KIAA1217: variants seen among roughly 807,000 people sequenced by gnomAD.
The protein encoded by KIAA1217 is sickle tail protein homolog.
Under a neutral mutation model 163.9 loss-of-function variants are expected in KIAA1217, and 88 were observed. That is an observed-to-expected ratio of 0.54 (90% CI 0.45 to 0.64). The LOEUF (loss-of-function observed/expected upper bound fraction) is 0.64. Among genes scored for constraint, KIAA1217 ranks in the 30% least tolerant of loss-of-function variants. The pLI is 0.00. For synonymous variants in KIAA1217, 903 were observed against 923.1 expected, an observed-to-expected ratio of 0.98 and a Z score of 0.39; for missense variants, 2,372 against 2,475.0, an observed-to-expected ratio of 0.96 and a Z score of 0.88.
At chr10:24,488,439 G>A (rs2065682532) in intron 6 of KIAA1217, among the ~76,000 whole-genome samples, 1 of 152,184 alleles carries the variant, frequency 6.6e-6, no homozygotes, top group Non-Finnish European at 1.5e-5. Context: ...AACGTAGCCA[G>A]TCTTCTTGCT....
intron 2 of KIAA1217, among the ~76,000 whole-genome samples, chr10:24,225,827 G>C (rs1358083687): frequency 6.6e-6 from 1 of 152,194 alleles, no homozygotes; most frequent in Non-Finnish European, 1.5e-5. Flanking sequence ...TCTTCTGGAG[G>C]TAGAAACCTT....
At chr10:24,002,496 G>A (rs1846790072) in intron 1 of KIAA1217, among the ~76,000 whole-genome samples, 2 of 152,176 alleles carry the variant, frequency 1.3e-5, no homozygotes, top group Middle Eastern at 3.4e-3. Context: ...ATGCCCAGTG[G>A]GTCCACCAGA....
rs540632897 is a variant in KIAA1217, at chr10:24,498,499, T to C, written c.1835-2880T>C. ...GAGATTAAGAGGTTATAGATGAAGA[T>C]TTTTTTAAGTGAGTATAGATTCCAT... is the stretch of plus-strand genomic sequence containing the variant. On this transcript the variant is annotated intron_variant, in intron 8 of 20. Transcript: ENST00000376454. Among the ~76,000 whole-genome samples the C allele has an allele frequency of 9.1e-4, 139 of 152,200 alleles. 2 individuals are homozygous for C. The highest frequency in any genetic ancestry group is 3.0e-3 in the African/African-American group (125 of 41,482).
intron 2 of KIAA1217, among the ~76,000 whole-genome samples, chr10:24,062,789 C>T (rs909208243): frequency 1.1e-4 from 17 of 152,144 alleles, no homozygotes; most frequent in Non-Finnish European, 2.4e-4. Context: ...TCCACATCCT[C>T]TCCAGCACCT....
chr10:23,750,865 G>A (rs7097171), intron 1 of KIAA1217, among the ~76,000 whole-genome samples: 49,179 of 151,800 alleles, frequency 0.32, 10,008 homozygotes, highest in African/African-American at 0.58. Flanking sequence ...GAAAAATATA[G>A]ATTTTAGTGG....
chr10:24,103,623 T>C (rs1000358528), intron 2 of KIAA1217, among the ~76,000 whole-genome samples: 5 of 151,778 alleles, frequency 3.3e-5, no homozygotes, highest in African/African-American at 1.2e-4. Context: ...TATATACAGA[T>C]AGAAAAAAAG....
chr10:24,171,022 G>A (rs1230651840), intron 2 of KIAA1217, among the ~76,000 whole-genome samples: 1 of 152,202 alleles, frequency 6.6e-6, no homozygotes, highest in Non-Finnish European at 1.5e-5. Context: ...AATGGCATCA[G>A]CAAAACTAAG....
intron 2 of KIAA1217, among the ~76,000 whole-genome samples, chr10:24,071,657 G>A (rs2061190936): frequency 6.6e-6 from 1 of 152,160 alleles, no homozygotes; most frequent in South Asian, 2.1e-4. Flanking sequence ...GCCTAGTATG[G>A]ATTCACTCAG....
intron 1 of KIAA1217, among the ~76,000 whole-genome samples, chr10:23,890,770 A>G (rs1165188705): frequency 1.3e-5 from 2 of 152,132 alleles, no homozygotes; most frequent in African/African-American, 4.8e-5. Flanking sequence ...AAGTTGGTGA[A>G]TAGTCTTTTT....
intron 2 of KIAA1217, among the ~76,000 whole-genome samples, chr10:24,306,310 A>G (rs1023460475): frequency 1.3e-5 from 2 of 152,160 alleles, no homozygotes; most frequent in African/African-American, 4.8e-5. Flanking sequence ...ACCTTTGTAC[A>G]TGGTTCTGTG....
chr10:23,957,116 C>A (rs1844600880), intron 1 of KIAA1217, among the ~76,000 whole-genome samples: 1 of 152,160 alleles, frequency 6.6e-6, no homozygotes, highest in African/African-American at 2.4e-5. Context: ...TCTGTGACGG[C>A]TCCATTGAGA....
intron 2 of KIAA1217, among the ~76,000 whole-genome samples, chr10:24,039,711 T>C (rs570199828): frequency 1.3e-5 from 2 of 152,314 alleles, no homozygotes; most frequent in African/African-American, 4.8e-5. Flanking sequence ...CATTTGTATA[T>C]ACATATGTAT....
At chr10:24,238,632 C>T (rs1400777570) in intron 2 of KIAA1217, among the ~76,000 whole-genome samples, 1 of 152,168 alleles carries the variant, frequency 6.6e-6, no homozygotes, top group East Asian at 1.9e-4. Context: ...CACATACACA[C>T]TCTGGCAGGG....
At chr10:24,355,858 C>T (rs1326154804) in intron 2 of KIAA1217, among the ~76,000 whole-genome samples, 1 of 146,028 alleles carries the variant, frequency 6.8e-6, no homozygotes, top group East Asian at 2.1e-4. Flanking sequence ...AAGCCATTCT[C>T]CTGCTTCAGC....
intron 1 of KIAA1217, among the ~76,000 whole-genome samples, chr10:23,920,451 G>A (rs1019894001): frequency 6.6e-6 from 1 of 152,168 alleles, no homozygotes; most frequent in African/African-American, 2.4e-5. Flanking sequence ...CTTTTTGGGT[G>A]GACATAGGAT....
intron 2 of KIAA1217, among the ~76,000 whole-genome samples, chr10:24,085,519 A>G (rs1425260850): frequency 2.6e-5 from 4 of 152,278 alleles, no homozygotes; most frequent in East Asian, 3.9e-4. Flanking sequence ...ACGGCCACCA[A>G]TAATGGGCCC....
chr10:24,120,100 G>A (rs756947542), intron 2 of KIAA1217, among the ~76,000 whole-genome samples: 149 of 152,156 alleles, frequency 9.8e-4, no homozygotes, highest in Non-Finnish European at 1.6e-3. Context: ...TCCCAGAACC[G>A]GCCTTGTTAC....
chr10:23,954,885 A>C (rs1210628421), intron 1 of KIAA1217, among the ~76,000 whole-genome samples: 2 of 152,158 alleles, frequency 1.3e-5, no homozygotes, highest in African/African-American at 4.8e-5. Context: ...GAGAGGAAAA[A>C]TAATAGAAAG....
chr10:24,134,548 A>G (rs113135826), intron 2 of KIAA1217, among the ~76,000 whole-genome samples: 3,879 of 152,194 alleles, frequency 0.025, 170 homozygotes, highest in African/African-American at 0.088. Context: ...TACAGTATCC[A>G]TAGTGTCCAT....
Sources: gnomAD v4.1 joint callset for allele counts (sites outside exome capture counted in the v4.1 genomes callset) on GRCh38, gnomAD v4.1.1 for gene constraint, MANE v1.5 for transcripts, NCBI Gene and HGNC (gene_info 2026-07-23, HGNC 2026-07-21) for gene names.